Variants in ADAMTS12 observed in about 807,000 individuals in gnomAD.
The protein encoded by ADAMTS12 is A disintegrin and metalloproteinase with thrombospondin motifs 12.
A neutral mutation model predicts 167.8 loss-of-function variants in ADAMTS12; 118 were observed. The observed-to-expected ratio is 0.70, with a 90% CI of 0.61 to 0.82. The LOEUF is 0.82. ADAMTS12 is among the 40% of genes least tolerant of loss of function. The probability of loss-of-function intolerance (pLI) is 0.00; values close to 1 mark genes in which losing one functional copy is unlikely to be tolerated. For synonymous variants in ADAMTS12, 704 were observed against 716.9 expected, an observed-to-expected ratio of 0.98 and a Z score of 0.29; for missense variants, 1,916 against 1,998.8, an observed-to-expected ratio of 0.96 and a Z score of 0.79.
intron 2 of ADAMTS12, among the ~76,000 whole-genome samples, chr5:33,840,809 C>T (rs1405457512): frequency 6.6e-6 from 1 of 152,224 alleles, no homozygotes; most frequent in East Asian, 1.9e-4. Flanking sequence ...GGTCACTGAT[C>T]AGCCTCTGAC....
chr5:33,881,539 C>CAAAG, intron 1 of ADAMTS12, 59 bp from the exon 2 acceptor site: 1 of 1,539,566 alleles, frequency 6.5e-7, no homozygotes, highest in Non-Finnish European at 8.7e-7. Flanking sequence ...AGCAAAGCCA[C>CAAAG]TTTCGTTTGG....
At chr5:33,623,912 C>T (rs887581686) in intron 14 of ADAMTS12, among the ~76,000 whole-genome samples, 2 of 152,154 alleles carry the variant, frequency 1.3e-5, no homozygotes, top group African/African-American at 4.8e-5. Context: ...AATGCTGGAT[C>T]CTCTTGTGAT....
intron 3 of ADAMTS12, among the ~76,000 whole-genome samples, chr5:33,718,364 A>C (rs558401595): frequency 1.1e-3 from 164 of 152,314 alleles, no homozygotes; most frequent in African/African-American, 3.9e-3. Context: ...GCCGCATAGC[A>C]GGAGGTGAAG....
At chr5:33,545,859 CG>C (rs1744950859) in intron 22 of ADAMTS12, among the ~76,000 whole-genome samples, 199 bp downstream of exon 22, 1 of 31,156 alleles carries the variant, frequency 3.2e-5, no homozygotes, top group African/African-American at 1.4e-4. Flanking sequence ...TGGGGCCTGT[CG>C]GGGGGTGGGG....
intron 15 of ADAMTS12, among the ~76,000 whole-genome samples, chr5:33,614,770 T>C (rs971388779): frequency 6.6e-5 from 10 of 152,170 alleles, no homozygotes; most frequent in African/African-American, 2.2e-4. Context: ...TTTGTGAATA[T>C]AGGTAAGTGC....
intron 11 of ADAMTS12, among the ~76,000 whole-genome samples, chr5:33,638,092 C>A (rs540022127): frequency 6.6e-6 from 1 of 152,314 alleles, no homozygotes; most frequent in South Asian, 2.1e-4. Flanking sequence ...AATCATCCAT[C>A]TGTGCCTTCC....
At chr5:33,537,142 T>A (rs988757492) in intron 22 of ADAMTS12, among the ~76,000 whole-genome samples, 1 of 151,848 alleles carries the variant, frequency 6.6e-6, no homozygotes, top group Non-Finnish European at 1.5e-5. Flanking sequence ...CTCAGAGGAG[T>A]GAGTATTAGT....
In ADAMTS12 at chr5:33,751,486, C is replaced by G. The variant is rs1372267621; in HGVS notation, c.552G>C (p.Leu184=). 6.2e-7 allele frequency: 1 copy of G among 1,614,122 alleles called. No homozygotes were observed. Residue 184 remains leucine, a synonymous_variant, in exon 3 of 24, where the codon CTG becomes CTC. Coordinates refer to ENST00000504830, the MANE Select transcript of ADAMTS12 (RefSeq NM_030955.4). ...FFIEPVKKHP[L]VEGGYHPHIV... ...TGTGCGGGTGGTACCCTCCCTCAACCAGTGGATGCTTCTTCACGGGTTCAA... is the reference window on the plus strand; with the variant it reads ...TGTGCGGGTGGTACCCTCCCTCAACGAGTGGATGCTTCTTCACGGGTTCAA...
intron 16 of ADAMTS12, among the ~76,000 whole-genome samples, chr5:33,601,743 A>G (rs1738200192): frequency 6.6e-6 from 1 of 152,162 alleles, no homozygotes; most frequent in Admixed American, 6.5e-5. Context: ...GTTGAAACCT[A>G]TACCTCTCAC....
intron 2 of ADAMTS12, among the ~76,000 whole-genome samples, chr5:33,769,275 T>A (rs1246045795): frequency 1.3e-5 from 2 of 152,086 alleles, no homozygotes; most frequent in East Asian, 3.9e-4. Flanking sequence ...AGCTACTGAT[T>A]TCCAGAACTG....
At chr5:33,581,864 C>T (rs1281357571) in intron 18 of ADAMTS12, among the ~76,000 whole-genome samples, 1 of 152,124 alleles carries the variant, frequency 6.6e-6, no homozygotes, top group East Asian at 1.9e-4. Flanking sequence ...ACAGAGATCA[C>T]AGGCAGGTAG....
At chr5:33,881,570 T>G in intron 1 of ADAMTS12, 90 bp from the exon 2 acceptor site, 1 of 1,502,816 alleles carries the variant, frequency 6.7e-7, no homozygotes, top group Non-Finnish European at 8.8e-7. Context: ...CTAGCTTTTT[T>G]TTTTTTTGGA....
intron 2 of ADAMTS12, among the ~76,000 whole-genome samples, chr5:33,863,188 G>A (rs943641935): frequency 7.9e-5 from 12 of 152,182 alleles, no homozygotes; most frequent in African/African-American, 2.9e-4. Context: ...GGAAGTTCCA[G>A]CCAGGGCAAT....
chr5:33,626,666 G>A (rs1251623636), intron 13 of ADAMTS12, among the ~76,000 whole-genome samples: 2 of 151,172 alleles, frequency 1.3e-5, no homozygotes, highest in African/African-American at 4.9e-5. Context: ...TGTGGTAATG[G>A]TGGTGGTGAT....
chr5:33,551,475 T>C (rs888018405), intron 20 of ADAMTS12, among the ~76,000 whole-genome samples: 2 of 152,152 alleles, frequency 1.3e-5, no homozygotes, highest in East Asian at 3.9e-4. Context: ...ATAGAACAAA[T>C]GAGAAAGCAT....
At chr5:33,682,729 A>G (rs1466595777) in intron 5 of ADAMTS12, among the ~76,000 whole-genome samples, 1 of 152,148 alleles carries the variant, frequency 6.6e-6, no homozygotes, top group Non-Finnish European at 1.5e-5. Flanking sequence ...GATTTAGTCT[A>G]TTTCTTTTGC....
chr5:33,555,644 G>A lies in ADAMTS12; in HGVS notation c.4125+5383C>T, dbSNP rs116551687. Among the ~76,000 whole-genome samples the A allele has an allele frequency of 9.9e-3, 1,501 of 152,272 alleles. 13 individuals are homozygous for A. Among genetic ancestry groups the A allele is most frequent in the Non-Finnish European group, 0.015 (1,025 of 68,010 alleles). Reference sequence around the variant, plus strand: ...GTGTTTCATTTCTTTCTGAAAAGCTGTAATTAAAATGACATAATCCCCCAG... The same window carrying A: ...GTGTTTCATTTCTTTCTGAAAAGCTATAATTAAAATGACATAATCCCCCAG... On this transcript the variant is annotated intron_variant, in intron 20 of 23. Coordinates refer to ENST00000504830, the MANE Select transcript of ADAMTS12 (RefSeq NM_030955.4).
intron 3 of ADAMTS12, among the ~76,000 whole-genome samples, chr5:33,743,800 A>C (rs139472204): frequency 2.0e-5 from 3 of 152,252 alleles, no homozygotes; most frequent in East Asian, 3.9e-4. Flanking sequence ...CTCCAAAATA[A>C]AGATTTTAAG....
chr5:33,620,434 A>G (rs1329397484), intron 14 of ADAMTS12, among the ~76,000 whole-genome samples: 2 of 152,248 alleles, frequency 1.3e-5, no homozygotes, highest in Non-Finnish European at 2.9e-5. Flanking sequence ...ATATCCTCAC[A>G]TGGAAATGAT....
Sources: gnomAD v4.1 joint callset for allele counts (sites outside exome capture counted in the v4.1 genomes callset) on GRCh38, gnomAD v4.1.1 for gene constraint, MANE v1.5 for transcripts, NCBI Gene and HGNC (gene_info 2026-07-23, HGNC 2026-07-21) for gene names.